STARD9: variants seen among roughly 807,000 people sequenced by gnomAD.
STARD9 encodes the protein stAR-related lipid transfer protein 9.
In STARD9, 346 loss-of-function variants were observed where a neutral mutation model predicts 399.8. The observed-to-expected ratio is 0.87, with a 90% CI of 0.79 to 0.95. The LOEUF (loss-of-function observed/expected upper bound fraction) is 0.95, where lower values mean the gene tolerates loss of function less well. STARD9 is among the 40% of genes least tolerant of loss of function. The pLI is 0.00. For missense variants in STARD9, 5,832 were observed against 5,667.5 expected (o/e 1.03, Z -0.93); for synonymous variants, 2,203 against 2,143.5 (o/e 1.03, Z -0.77).
At chr15:42,664,061 T>C in intron 13 of STARD9, 144 bp downstream of exon 13, 1 of 621,174 alleles carries the variant, frequency 1.6e-6, no homozygotes, top group Non-Finnish European at 2.9e-6. Context: ...GAATTCTTTC[T>C]TGTACTGTCA....
At chr15:42,718,356 G>C (rs1020272522) in intron 30 of STARD9, 79 bp from the exon 31 acceptor site, 2 of 1,315,306 alleles carry the variant, frequency 1.5e-6, no homozygotes, top group African/African-American at 2.9e-5. Context: ...GTGTTGGGGG[G>C]AGGGCTCCCT....
At position 42,686,484 on chromosome 15, in the gene STARD9, T is replaced by A. The variant is rs1050239371; in HGVS notation, c.4906T>A (p.Cys1636Ser). 7.8e-6 allele frequency: 12 copies of A among 1,537,684 alleles called. No homozygotes were observed. The highest frequency in any genetic ancestry group is 9.6e-6 in the Non-Finnish European group (11 of 1,147,064). The change falls in exon 23 of 33, where the codon TGC (cysteine) becomes AGC (serine). Residue 1636 changes from cysteine to serine, a missense_variant. Cys to Ser is a moderately radical substitution (Grantham distance 112, BLOSUM62 -1). Transcript: ENST00000290607. ...QNNLEECLQS[C>S]RKPGLMTSSD... ...CAACTTGGAAGAATGCCTTCAGAGT[T>A]GCAGGAAACCTGGACTGATGACTTC...
chr15:42,653,352 A>G (rs1335258562), intron 9 of STARD9, among the ~76,000 whole-genome samples: 1 of 152,228 alleles, frequency 6.6e-6, no homozygotes, highest in Non-Finnish European at 1.5e-5. Context: ...TAACAAAGTG[A>G]GAAGTACCAC....
chr15:42,652,173 G>T (rs367819639), intron 8 of STARD9, among the ~76,000 whole-genome samples: 8 of 152,178 alleles, frequency 5.3e-5, no homozygotes, highest in African/African-American at 1.9e-4. Flanking sequence ...TAAAGTGAAA[G>T]AATAAAATAA....
rs1566934788 is a variant in STARD9, at chr15:42,685,173, C to G, written c.3595C>G (p.His1199Asp). 1 of 1,537,172 alleles carries G rather than the reference C, an allele frequency of 6.5e-7. No homozygotes were observed. Among genetic ancestry groups the G allele is most frequent in the Admixed American group, 2.0e-5 (1 of 50,992 alleles). The change falls in exon 23 of 33, where the codon CAT becomes GAT. Residue 1199 changes from histidine to aspartate, a missense_variant. Coordinates refer to ENST00000290607, the MANE Select transcript of STARD9 (RefSeq NM_020759.3). ...ASDSDLLAQT[H>D]RSFSLDSLID... ...AGACAGTGACCTACTTGCTCAAACT[C>G]ATAGGAGCTTCTCCTTGGATAGCCT...
chr15:42,601,210 A>T (rs1439030648), intron 3 of STARD9, among the ~76,000 whole-genome samples: 4 of 152,204 alleles, frequency 2.6e-5, no homozygotes, highest in Non-Finnish European at 4.4e-5. Context: ...CAGCATCCCA[A>T]GGCAGAAGAA....
At position 42,689,816 on chromosome 15, in the gene STARD9, T is replaced by A. The variant is rs973724597; in HGVS notation, c.8238T>A (p.Ser2746=). ...VSKKVVAALP[S]QAPYDDPRVT... ...AGAAGGTAGTGGCTGCCTTACCTTC[T>A]CAGGCCCCTTATGATGATCCTAGAG... is the stretch of plus-strand genomic sequence containing the variant. Residue 2746 remains serine (S), a synonymous_variant, in exon 23 of 33, where the codon TCT becomes TCA. Transcript: ENST00000290607. 5.2e-6 allele frequency: 8 copies of A among 1,537,162 alleles called. No homozygotes were observed. The highest frequency in any genetic ancestry group is 1.4e-5 in the African/African-American group (1 of 73,024).
At chr15:42,626,162 G>A (rs2059204964) in intron 3 of STARD9, among the ~76,000 whole-genome samples, 1 of 152,080 alleles carries the variant, frequency 6.6e-6, no homozygotes, top group Non-Finnish European at 1.5e-5. Context: ...GACCTCAGGT[G>A]ATCTGCCTGC....
At chr15:42,714,451 A>G (rs1056795729) in intron 26 of STARD9, among the ~76,000 whole-genome samples, 1 of 152,210 alleles carries the variant, frequency 6.6e-6, no homozygotes, top group African/African-American at 2.4e-5. Context: ...CATATAGTTC[A>G]TAGTATTAAT....
rs1177160258 is a variant in STARD9, at chr15:42,687,239, A to C, written c.5661A>C (p.Gly1887=). The C allele has an allele frequency of 5.9e-6, 9 of 1,537,010 alleles. No homozygotes were observed. The highest frequency in any genetic ancestry group is 5.2e-6 in the Non-Finnish European group (6 of 1,146,962). ...ACAGTTTTCCAGCACTTGAGGGAGG[A>C]GAGGTCACTGCTCAGTCCTGTTGCG... ...KKHSFPALEG[G]EVTAQSCCGA... The change falls in exon 23 of 33, where the codon GGA becomes GGC. Residue 1887 remains glycine (G), a synonymous_variant. Coordinates refer to ENST00000290607, the MANE Select transcript of STARD9 (RefSeq NM_020759.3).
chr15:42,677,476 C>T (rs951205006), intron 20 of STARD9, among the ~76,000 whole-genome samples: 1 of 152,188 alleles, frequency 6.6e-6, no homozygotes, highest in Non-Finnish European at 1.5e-5. Context: ...TTTGCTTTGT[C>T]AGAGTGACTT....
chr15:42,685,569 C>T lies in STARD9; in HGVS notation c.3991C>T (p.Pro1331Ser). Residue 1331 changes from proline (P) to serine (S), a missense_variant, in exon 23 of 33, where the codon CCA becomes TCA. By Grantham distance (74) the Pro-to-Ser change is moderately conservative. This residue lies in a region of STARD9 where 5,828 missense variants were observed against 5,651.1 expected (regional missense o/e 1.03). Coordinates refer to ENST00000290607, the MANE Select transcript of STARD9 (RefSeq NM_020759.3). ...LQGMQLSRES[P>S]LMSMDSWFSC... ...AGGCATGCAGCTTTCAAGAGAGAGC[C>T]CACTGATGTCCATGGATTCCTGGTT... 6.5e-7 allele frequency: 1 copy of T among 1,537,626 alleles called. No individual in the cohort carries two copies. Among genetic ancestry groups the T allele is most frequent in the Non-Finnish European group, 8.7e-7 (1 of 1,147,000 alleles).
chr15:42,579,739 C>T (rs2058129619), intron 1 of STARD9, among the ~76,000 whole-genome samples: 1 of 152,140 alleles, frequency 6.6e-6, no homozygotes, highest in African/African-American at 2.4e-5. Context: ...TTTCTAAGAA[C>T]ATTCTGAAAA....
chr15:42,607,602 C>T (rs2058758100), intron 3 of STARD9, among the ~76,000 whole-genome samples: 1 of 150,944 alleles, frequency 6.6e-6, no homozygotes, highest in African/African-American at 2.4e-5. Context: ...TACAGGACCT[C>T]CAGACTGAAT....
rs576963645 is a variant in STARD9 at position 42,667,013 on chromosome 15, C to T, written c.1317+1165C>T. Among the ~76,000 whole-genome samples, 5 of 152,118 alleles carry T rather than the reference C, an allele frequency of 3.3e-5. No individual in the cohort carries two copies. The South Asian group carries it at 6.2e-4, about 19-fold the overall frequency. On this transcript the variant is annotated intron_variant, in intron 15 of 32. Coordinates refer to ENST00000290607, the MANE Select transcript of STARD9 (RefSeq NM_020759.3). ...CGTTTTTAGTAGAGACGGGGTTTCA[C>T]CACATTGGCCAGGCTGGTGTCAAAC...
intron 7 of STARD9, among the ~76,000 whole-genome samples, chr15:42,645,667 G>T (rs1006855847): frequency 1.3e-5 from 2 of 151,528 alleles, no homozygotes; most frequent in African/African-American, 4.9e-5. Context: ...CCAGGCTCAT[G>T]TGATTCATTT....
At chr15:42,590,757 C>T (rs996009614) in intron 3 of STARD9, among the ~76,000 whole-genome samples, 2 of 151,662 alleles carry the variant, frequency 1.3e-5, no homozygotes, top group East Asian at 1.9e-4. Context: ...CTTGTCACAG[C>T]GAGAGAGAGA....
At chr15:42,708,086 G>C (rs1187037056) in intron 26 of STARD9, among the ~76,000 whole-genome samples, 1 of 151,930 alleles carries the variant, frequency 6.6e-6, no homozygotes, top group Non-Finnish European at 1.5e-5. Flanking sequence ...CTGGGAAGTC[G>C]AGGCTGTGGT....
intron 3 of STARD9, among the ~76,000 whole-genome samples, chr15:42,588,226 GTC>G (rs1555387349): frequency 1.3e-5 from 2 of 151,468 alleles, no homozygotes; most frequent in Non-Finnish European, 2.9e-5. Flanking sequence ...GTGTGTGTGT[GTC>G]TGTGTGTGTG....
Sources: allele counts gnomAD v4.1 joint callset (sites outside exome capture counted in the v4.1 genomes callset), GRCh38; gene constraint gnomAD v4.1.1; regional missense constraint gnomAD v4.1.1; transcripts MANE v1.5; gene names NCBI Gene and HGNC (gene_info 2026-07-23, HGNC 2026-07-21).